The following ACLY variants were observed in gnomAD, a reference collection of about 807,000 sequenced individuals.
ACLY encodes ATP-citrate synthase.
In ACLY, 41 loss-of-function variants were observed where a neutral mutation model predicts 133.0. The observed-to-expected ratio is 0.31, with a 90% CI of 0.24 to 0.40. The LOEUF is 0.40. Among genes scored for constraint, ACLY ranks in the 10% least tolerant of loss-of-function variants. ACLY has a pLI of 1.00. For synonymous variants in ACLY, 495 were observed against 549.3 expected (o/e 0.90, Z 1.38); for missense variants, 1,046 against 1,453.8 (o/e 0.72, Z 4.56).
intron 27 of ACLY, 27 bp from the exon 28 acceptor site, chr17:41,868,812 T>TA (rs2048529432): frequency 6.2e-7 from 1 of 1,610,120 alleles, no homozygotes; most frequent in Non-Finnish European, 8.5e-7. Context: ...CTTGTAGTTT[T>TA]AAAAGGCTCA....
chr17:41,898,860 G>C, intron 11 of ACLY, 75 bp from the exon 12 acceptor site: 1 of 1,452,470 alleles, frequency 6.9e-7, no homozygotes, highest in South Asian at 1.3e-5. Context: ...CCCTGCAAAG[G>C]GCCTTTTACA....
In ACLY at chr17:41,912,478, T is replaced by A. The variant is rs781834702; in HGVS notation, c.224A>T (p.Asn75Ile). 9.3e-6 allele frequency: 15 copies of A among 1,614,108 alleles called. No homozygotes were observed. Among genetic ancestry groups the A allele is most frequent in the African/African-American group, 2.7e-5 (2 of 74,932 alleles). ...GGACTTGACCCCATCCAGAGTGAGG[T>A]TGACCCCAACGAGACCAAGTTTTCC... is the stretch of plus-strand genomic sequence containing the variant. ...RRGKLGLVGVNLTLDGVKSWL... is the reference protein window; with the variant it reads ...RRGKLGLVGVILTLDGVKSWL... Residue 75 changes from asparagine (N) to isoleucine (I), a missense_variant, in exon 3 of 29, where the codon AAC becomes ATC. Around this residue, in one of 4 missense-constraint regions of ACLY, gnomAD observed 227 missense variants for 245.6 expected, o/e 0.92. Coordinates refer to ENST00000352035, the MANE Select transcript of ACLY (RefSeq NM_001096.3).
intron 25 of ACLY, among the ~76,000 whole-genome samples, chr17:41,870,881 T>C (rs1330539918): frequency 4.6e-5 from 7 of 152,214 alleles, no homozygotes; most frequent in Admixed American, 3.9e-4. Flanking sequence ...GTTATCCTGC[T>C]GACGTGAGGC....
intron 11 of ACLY, 107 bp from the exon 12 acceptor site, chr17:41,898,892 A>C (rs781932916): frequency 8.7e-7 from 1 of 1,145,894 alleles, no homozygotes; most frequent in Non-Finnish European, 1.2e-6. Flanking sequence ...TGTTTGGCGC[A>C]TTCAGTGCAA....
chr17:41,897,836 G>A lies in ACLY; in HGVS notation c.1342C>T (p.Pro448Ser). The change falls in exon 13 of 29, where the codon CCA (proline) becomes TCA (serine). Residue 448 changes from proline to serine, a missense_variant. By Grantham distance (74) the Pro-to-Ser change is moderately conservative (BLOSUM62 -1). Around this residue, in one of 4 missense-constraint regions of ACLY, gnomAD observed 575 missense variants for 804.2 expected, o/e 0.71. Coordinates refer to ENST00000352035, the MANE Select transcript of ACLY (RefSeq NM_001096.3). ...AAAGATGCTGTCCTGCTGGGGGCTG[G>A]CGTCTGGGGTGAGATAAGGAGAGAG... ...LLNASGSTST[P>S]APSRTASFSE... 1 of 1,613,260 alleles carries A rather than the reference G, an allele frequency of 6.2e-7. No individual in the cohort carries two copies. The highest frequency in any genetic ancestry group is 1.1e-5 in the South Asian group (1 of 90,812).
chr17:41,879,794 C>A (rs1555626976), intron 20 of ACLY, among the ~76,000 whole-genome samples: 1 of 150,634 alleles, frequency 6.6e-6, no homozygotes, highest in Non-Finnish European at 1.5e-5. Context: ...TCTTGGCTCA[C>A]TGCAGCCTCA....
upstream of ACLY, among the ~76,000 whole-genome samples, chr17:41,922,483 A>C (rs2050194991): frequency 6.6e-6 from 1 of 151,184 alleles, no homozygotes; most frequent in Admixed American, 6.6e-5. Flanking sequence ...AGACAAATAC[A>C]CTCCTGGGGA....
At chr17:41,928,649 C>T (rs1208748307) in intron 1 of ACLY, among the ~76,000 whole-genome samples, 1 of 151,616 alleles carries the variant, frequency 6.6e-6, no homozygotes, top group Non-Finnish European at 1.5e-5. Context: ...GTCAGGAGTT[C>T]AAGACCAGCC....
chr17:41,883,169 T>C lies in ACLY; in HGVS notation c.2218A>G (p.Ile740Val), dbSNP rs1265220446. 6 of 1,613,964 alleles carry C rather than the reference T, an allele frequency of 3.7e-6. No homozygotes were observed. In the African/African-American group the frequency reaches 5.3e-5, roughly 14 times the overall value. The stretch of plus-strand genomic sequence containing the variant: ...CACGTCCCGATGCACCAGCAGACGA[T>C]GGGCTTAGTGAGGCGGCCCTCCTTG... Reference protein sequence around the residue: ...GIKEGRLTKPIVCWCIGTCAT... With the variant: ...GIKEGRLTKPVVCWCIGTCAT... The change falls in exon 20 of 29, where the codon ATC becomes GTC. Residue 740 changes from isoleucine to valine, a missense_variant. Physicochemically the swap from Ile to Val is conservative, Grantham distance 29. Around this residue, in one of 4 missense-constraint regions of ACLY, gnomAD observed 575 missense variants for 804.2 expected, o/e 0.71. Coordinates refer to ENST00000352035, the MANE Select transcript of ACLY (RefSeq NM_001096.3).
intron 11 of ACLY, among the ~76,000 whole-genome samples, chr17:41,899,953 C>T (rs561066210): frequency 3.3e-5 from 5 of 150,884 alleles, no homozygotes; most frequent in South Asian, 4.2e-4. Flanking sequence ...TCTGTAGTCC[C>T]AGCTACTCAG....
intron 11 of ACLY, among the ~76,000 whole-genome samples, chr17:41,901,458 C>G (rs2049538273): frequency 6.6e-6 from 1 of 152,046 alleles, no homozygotes; most frequent in African/African-American, 2.4e-5. Context: ...CAGCACAGAG[C>G]GAGTGATCTT....
At chr17:41,876,376 A>C (rs1425263122) in intron 22 of ACLY, among the ~76,000 whole-genome samples, 2 of 151,908 alleles carry the variant, frequency 1.3e-5, no homozygotes, top group Admixed American at 1.3e-4. Flanking sequence ...GGAAGTGAGG[A>C]GCCCCTCTGC....
chr17:41,892,326 G>A lies in ACLY; in HGVS notation c.1723C>T (p.Leu575Phe). 6.2e-7 allele frequency: 1 copy of A among 1,611,342 alleles called. No homozygotes were observed. The highest frequency in any genetic ancestry group is 8.5e-7 in the Non-Finnish European group (1 of 1,179,476). Reference sequence around the variant, plus strand: ...ATGGTGCTGTCATAGGCAGAGCGGAGAGAGGCAAAGTTGATGAGCACATCT... The same window carrying A: ...ATGGTGCTGTCATAGGCAGAGCGGAAAGAGGCAAAGTTGATGAGCACATCT... ...EVDVLINFAS[L>F]RSAYDSTMET... The change falls in exon 16 of 29, where the codon CTC (leucine) becomes TTC (phenylalanine). Residue 575 changes from leucine to phenylalanine, a missense_variant. Transcript: ENST00000352035.
rs1274012052 is a variant in ACLY, at chr17:41,904,114, TGGAAGGAAGAAA to T, written c.1065+603_1065+614del. Among the ~76,000 whole-genome samples the T allele has an allele frequency of 2.2e-5, 3 of 135,504 alleles. No homozygotes were observed. The Admixed American group carries it at 2.6e-4, about 12-fold the overall frequency. The allele number at this position is 135,504 out of a possible 152,430, so 88.9% of individuals were successfully genotyped here. ...CCTCAACAACAAGAGTGAAACTCCA[TGGAAGGAAGAAA>T]GGAAGGGAGGGAAGGAGGAAAGGAG... On this transcript the variant is annotated intron_variant, in intron 10 of 28. Transcript: ENST00000352035.
In ACLY at chr17:41,887,615, A is replaced by C. The variant is rs782598021; in HGVS notation, c.1859T>G (p.Ile620Ser). Residue 620 changes from isoleucine (I) to serine (S), a missense_variant, in exon 17 of 29, where the codon ATC (isoleucine) becomes AGC (serine). By Grantham distance (142) the Ile-to-Ser change is moderately radical. Around this residue, in one of 4 missense-constraint regions of ACLY, gnomAD observed 575 missense variants for 804.2 expected, o/e 0.71. Coordinates refer to ENST00000352035, the MANE Select transcript of ACLY (RefSeq NM_001096.3). ...GAAGCTCACAGTGGCAGGTCCGATG[A>C]TGGTCACTCCCTTCTGGTCCGCCTT... is the stretch of plus-strand genomic sequence containing the variant. The part of the protein sequence containing the change: ...IKKADQKGVT[I>S]IGPATVGGIK... 3.7e-5 allele frequency: 60 copies of C among 1,613,770 alleles called. No homozygotes were observed. The highest frequency in any genetic ancestry group is 4.9e-5 in the Non-Finnish European group (58 of 1,179,786).
At chr17:41,875,553 T>C (rs1397449991) in intron 22 of ACLY, among the ~76,000 whole-genome samples, 1 of 152,152 alleles carries the variant, frequency 6.6e-6, no homozygotes, top group Non-Finnish European at 1.5e-5. Flanking sequence ...CTGATTCTCC[T>C]GCCTCAGCCT....
chr17:41,902,543 T>G (rs1555631827), intron 10 of ACLY, among the ~76,000 whole-genome samples: 1 of 152,174 alleles, frequency 6.6e-6, no homozygotes, highest in African/African-American at 2.4e-5. Context: ...ACAATGGATA[T>G]CCACTTTGGA....
At chr17:41,908,359 T>C (rs974542628) in intron 6 of ACLY, among the ~76,000 whole-genome samples, 3 of 152,140 alleles carry the variant, frequency 2.0e-5, no homozygotes, top group Admixed American at 1.3e-4. Flanking sequence ...CCTCTGAGTG[T>C]ACCAGGAGGA....
chr17:41,878,805 C>G lies in ACLY; in HGVS notation c.2385G>C (p.Glu795Asp), dbSNP rs782066671. 2 of 1,613,750 alleles carry G rather than the reference C, an allele frequency of 1.2e-6. No individual in the cohort carries two copies. The highest frequency in any genetic ancestry group is 1.7e-6 in the Non-Finnish European group (2 of 1,179,916). ...CCCCAAGGTCCACTTACTGGATGAT[C>G]TCTCCAAGCTCATCAAAGCTCCGGG... ...FVPRSFDELG[E>D]IIQSVYEDLV... Residue 795 changes from glutamate to aspartate, a missense_variant, in exon 21 of 29, where the codon GAG becomes GAC. Glu to Asp is a conservative substitution (Grantham distance 45, BLOSUM62 2). Around this residue, in one of 4 missense-constraint regions of ACLY, gnomAD observed 39 missense variants for 30.8 expected, o/e 1.27. Coordinates refer to ENST00000352035, the MANE Select transcript of ACLY (RefSeq NM_001096.3).
Sources: allele counts gnomAD v4.1 joint callset (sites outside exome capture counted in the v4.1 genomes callset), GRCh38; gene constraint gnomAD v4.1.1; regional missense constraint gnomAD v4.1.1; transcripts MANE v1.5; gene names NCBI Gene and HGNC (gene_info 2026-07-23, HGNC 2026-07-21).